Variants in XRN1 observed in about 807,000 individuals in gnomAD.
XRN1 encodes the protein strand-exchange protein 1 homolog.
XRN1 carries 67 observed loss-of-function variants against 222.3 expected under a neutral mutation model. The ratio of observed to expected loss-of-function variants is 0.30; its 90% CI spans 0.25 to 0.37. XRN1 has a LOEUF of 0.37. Ranked by LOEUF, XRN1 falls within the 10% of genes least tolerant of loss-of-function variation. XRN1 has a pLI of 1.00. For missense variants in XRN1, 1,707 were observed against 2,000.2 expected (o/e 0.85, Z 2.80); for synonymous variants, 643 against 652.4 (o/e 0.99, Z 0.22).
At chr3:142,318,997 A>G in intron 37 of XRN1, 94 bp from the exon 38 acceptor site, 1 of 1,087,024 alleles carries the variant, frequency 9.2e-7, no homozygotes, top group Admixed American at 2.8e-5. Context: ...TAATTTTATC[A>G]AGAATTTAAA....
rs781042748 is a variant in XRN1, at chr3:142,370,453, C to T, written c.3204+32G>A. The T allele has an allele frequency of 9.5e-6, 15 of 1,580,506 alleles. No homozygotes were observed. The East Asian group carries it at 3.5e-4, about 36-fold the overall frequency. On this transcript the variant is annotated intron_variant, in intron 27 of 40. Transcript: ENST00000392981. Reference sequence around the variant, plus strand: ...GTATAGTCCATTTAATTCCAAATCTCATCAATAATCTTGGTTACTGAAAGT... The same window carrying T: ...GTATAGTCCATTTAATTCCAAATCTTATCAATAATCTTGGTTACTGAAAGT...
Position 142,426,770 on chromosome 3 carries a change from C to T in XRN1, c.380G>A (p.Arg127Lys). ...EKGETLPTEARFDSNCITPGT... is the reference protein window; with the variant it reads ...EKGETLPTEAKFDSNCITPGT... ...TGGTGTGATACAGTTGGAATCAAAT[C>T]TGGCCTCTGTAGGAAGAGTTTCTCC... is the stretch of plus-strand genomic sequence containing the variant. The change falls in exon 3 of 41, where the codon AGA becomes AAA. Residue 127 changes from arginine to lysine, a missense_variant. Transcript: ENST00000392981. 1 of 1,613,826 alleles carries T rather than the reference C, an allele frequency of 6.2e-7. No individual in the cohort carries two copies. The highest frequency in any genetic ancestry group is 8.5e-7 in the Non-Finnish European group (1 of 1,179,912).
chr3:142,332,905 A>C, intron 35 of XRN1, 62 bp downstream of exon 35: 1 of 1,588,222 alleles, frequency 6.3e-7, no homozygotes, highest in Non-Finnish European at 8.6e-7. Flanking sequence ...TGCATGGGAT[A>C]TGTCTGCATG....
At chr3:142,404,436 G>A (rs2068266412) in intron 16 of XRN1, among the ~76,000 whole-genome samples, 1 of 105,928 alleles carries the variant, frequency 9.4e-6, no homozygotes, top group Admixed American at 8.5e-5. Flanking sequence ...CAGGGAAGGT[G>A]AGAGAAGAGA....
At position 142,370,428 on chromosome 3, in the gene XRN1, GTA is replaced by G. The variant is rs1370944464; in HGVS notation, c.3204+55_3204+56del. On this transcript the variant is annotated intron_variant, in intron 27 of 40. Transcript: ENST00000392981. The stretch of plus-strand genomic sequence containing the variant: ...GAAACACAAATGAATTATTTGTAAA[GTA>G]TAGTCCATTTAATTCCAAATCTCAT... 9 of 1,541,016 alleles carry G rather than the reference GTA, an allele frequency of 5.8e-6. No individual in the cohort carries two copies. In the African/African-American group the frequency reaches 9.8e-5, roughly 17 times the overall value.
chr3:142,405,330 G>C (rs563220106), intron 15 of XRN1, among the ~76,000 whole-genome samples: 25 of 152,206 alleles, frequency 1.6e-4, no homozygotes, highest in South Asian at 1.5e-3. Flanking sequence ...TGCCACTAAA[G>C]TGCAAATAAG....
Position 142,351,548 on chromosome 3 carries a change from C to T in XRN1, c.3768+3853G>A, listed in dbSNP as rs551524322. 4.6e-5 allele frequency among the ~76,000 whole-genome samples: 7 copies of T among 152,158 alleles called. No individual in the cohort carries two copies. The South Asian group carries it at 1.5e-3, about 32-fold the overall frequency. ...GGGGGGAGAGAGGTGCCAGTATAGA[C>T]AATTTTTTCAAGTTTTGTTCTAAAA... On this transcript the variant is annotated intron_variant, in intron 32 of 40. Coordinates refer to ENST00000392981, the MANE Select transcript of XRN1 (RefSeq NM_001282857.2).
At chr3:142,424,290 T>C (rs1559872897) in intron 5 of XRN1, among the ~76,000 whole-genome samples, 1 of 152,136 alleles carries the variant, frequency 6.6e-6, no homozygotes, top group African/African-American at 2.4e-5. Context: ...GAGATGGGGT[T>C]TAGCCATGTT....
intron 2 of XRN1, chr3:142,429,880 A>T (rs2108145921): frequency 6.6e-6 from 1 of 152,378 alleles, no homozygotes; most frequent in South Asian, 2.1e-4. Flanking sequence ...ATGGTAAAGA[A>T]GATCCCAGTA....
intron 37 of XRN1, among the ~76,000 whole-genome samples, chr3:142,324,043 CTT>C (rs1321608977): frequency 6.7e-6 from 1 of 149,090 alleles, no homozygotes; most frequent in Non-Finnish European, 1.5e-5. Context: ...CAATTCCACT[CTT>C]TTGGTTATTT....
rs758143346 is a variant in XRN1, at chr3:142,447,970, C to G, written c.-26G>C. The G allele has an allele frequency of 6.2e-7, 1 of 1,611,538 alleles. No homozygotes were observed. Among genetic ancestry groups the G allele is most frequent in the South Asian group, 1.1e-5 (1 of 90,848 alleles). On this transcript the variant is annotated 5_prime_UTR_variant, in exon 1 of 41. Transcript: ENST00000392981. The surrounding 1 kb of genome is among the most constrained non-coding windows in gnomAD (Gnocchi z 4.2). Reference sequence around the variant, plus strand: ...TTCGATCGTCAACACTAATCCCAGTCAGGGCCAAACCGAAACCAAACGCCC... The same window carrying G: ...TTCGATCGTCAACACTAATCCCAGTGAGGGCCAAACCGAAACCAAACGCCC...
At chr3:142,431,864 A>AATAT (rs1274406844) in intron 2 of XRN1, among the ~76,000 whole-genome samples, 8 of 27,372 alleles carry the variant, frequency 2.9e-4, no homozygotes, top group African/African-American at 2.0e-3. Flanking sequence ...TATTATATAT[A>AATAT]ATATATTATA....
At chr3:142,359,719 G>T in intron 30 of XRN1, 143 bp downstream of exon 30, 1 of 529,922 alleles carries the variant, frequency 1.9e-6, no homozygotes, top group Non-Finnish European at 3.3e-6. Context: ...AAGCATGTCT[G>T]CCTTATTCAG....
intron 37 of XRN1, among the ~76,000 whole-genome samples, chr3:142,321,302 G>C (rs1394706046): frequency 1.3e-5 from 2 of 151,760 alleles, no homozygotes; most frequent in Non-Finnish European, 2.9e-5. Context: ...TGTATTTTTA[G>C]TAGAGACAGG....
At chr3:142,389,677 G>A (rs143203199) in intron 20 of XRN1, among the ~76,000 whole-genome samples, 3 of 152,160 alleles carry the variant, frequency 2.0e-5, no homozygotes, top group East Asian at 3.9e-4. Flanking sequence ...CCGCCACCAC[G>A]CTCAGCTAAT....
At position 142,369,596 on chromosome 3, in the gene XRN1, C is replaced by T. The variant is rs192597734; in HGVS notation, c.3204+889G>A. ...CTGGGAGGTGGAGGTTGCAGTGAGC[C>T]GAGATCATGCCACTTCACTCCAGCC... On this transcript the variant is annotated intron_variant, in intron 27 of 40. Transcript: ENST00000392981. Among the ~76,000 whole-genome samples the T allele has an allele frequency of 3.4e-4, 50 of 148,430 alleles. 1 individual carries two copies. The East Asian group carries it at 8.4e-3, about 25-fold the overall frequency.
chr3:142,372,765 CCTT>C (rs1434846470), intron 25 of XRN1, among the ~76,000 whole-genome samples: 1 of 152,210 alleles, frequency 6.6e-6, no homozygotes, highest in African/African-American at 2.4e-5. Flanking sequence ...GGTAATGAAA[CCTT>C]CTTTCCCTGG....
intron 40 of XRN1, among the ~76,000 whole-genome samples, chr3:142,312,378 C>G (rs1427955327): frequency 2.6e-5 from 4 of 152,012 alleles, no homozygotes; most frequent in East Asian, 3.8e-4. Context: ...TTTAATCAAT[C>G]TGTATTAGAA....
chr3:142,359,346 G>A (rs956446425), intron 30 of XRN1, among the ~76,000 whole-genome samples: 2 of 151,902 alleles, frequency 1.3e-5, no homozygotes, highest in South Asian at 2.1e-4. Context: ...CCAATCTGTC[G>A]TGAGTACCTA....
Sources: allele counts gnomAD v4.1 joint callset (sites outside exome capture counted in the v4.1 genomes callset), GRCh38; gene constraint gnomAD v4.1.1; non-coding constraint Gnocchi (gnomAD v3.1); transcripts MANE v1.5; gene names NCBI Gene and HGNC (gene_info 2026-07-23, HGNC 2026-07-21).